The following XPO1 variants were observed in gnomAD, a reference collection of about 807,000 sequenced individuals.
XPO1 encodes the protein exportin 1.
XPO1 carries 5 observed loss-of-function variants against 133.3 expected under a neutral mutation model. The observed-to-expected ratio is 0.04, with a 90% CI of 0.02 to 0.08. The LOEUF (loss-of-function observed/expected upper bound fraction) is 0.08, where lower values mean the gene tolerates loss of function less well. Among genes scored for constraint, XPO1 ranks in the 10% least tolerant of loss-of-function variants. The probability of loss-of-function intolerance (pLI) is 1.00; values close to 1 mark genes in which losing one functional copy is unlikely to be tolerated. For synonymous variants in XPO1, 419 were observed against 408.2 expected (o/e 1.03, Z -0.32); for missense variants, 506 against 1,267.5 (o/e 0.40, Z 9.12).
chr2:61,499,605 T>C, intron 7 of XPO1, 108 bp downstream of exon 7: 1 of 1,104,984 alleles, frequency 9.0e-7, no homozygotes, highest in East Asian at 2.7e-5. Flanking sequence ...ACAAGCAATT[T>C]AACATATTAC....
In XPO1 at chr2:61,535,317, T is replaced by C. The variant is rs1699312340; in HGVS notation, c.-6-1414A>G. 2.6e-5 allele frequency among the ~76,000 whole-genome samples: 4 copies of C among 152,162 alleles called. No individual in the cohort carries two copies. In the South Asian group the frequency reaches 6.2e-4, roughly 24 times the overall value. Reference sequence around the variant, plus strand: ...ACCCAGTTTTTAAAAACTCACGATTTTGTATACAATTATAGAGGATTCAGG... The same window carrying C: ...ACCCAGTTTTTAAAAACTCACGATTCTGTATACAATTATAGAGGATTCAGG... On this transcript the variant is annotated intron_variant, in intron 1 of 24. Transcript: ENST00000401558.
In XPO1 at chr2:61,498,568, G is replaced by C. The variant is rs1272070988; in HGVS notation, c.759+105C>G. On this transcript the variant is annotated intron_variant, in intron 9 of 24. Transcript: ENST00000401558. The stretch of plus-strand genomic sequence containing the variant: ...TCTCCTGAGCAGCGTCCTCGTGTTA[G>C]AAACAAGGTTGAATAAGGTTTAGAA... 4.9e-6 allele frequency: 7 copies of C among 1,439,098 alleles called. No homozygotes were observed. The East Asian group carries it at 1.2e-4, about 24-fold the overall frequency. The allele number at this position is 1,439,098 out of a possible 1,614,324, so 89.1% of individuals were successfully genotyped here.
chr2:61,518,417 A>AAAACAAAAC (rs1454103179), intron 4 of XPO1, among the ~76,000 whole-genome samples: 2 of 124,458 alleles, frequency 1.6e-5, no homozygotes, highest in Non-Finnish European at 3.4e-5. Flanking sequence ...CAAAAAACAA[A>AAAACAAAAC]ACACACACAC....
intron 4 of XPO1, among the ~76,000 whole-genome samples, chr2:61,516,655 C>G (rs930758450): frequency 1.3e-5 from 2 of 151,958 alleles, no homozygotes; most frequent in South Asian, 2.1e-4. Context: ...CTCAGGTGAT[C>G]TGCCCGCCTC....
intron 8 of XPO1, 32 bp from the exon 9 acceptor site, chr2:61,498,824 T>G: frequency 1.2e-6 from 2 of 1,610,466 alleles, no homozygotes; most frequent in Non-Finnish European, 1.7e-6. Flanking sequence ...AATAATTGCT[T>G]TCCTATTATT....
rs1413682163 is a variant in XPO1 at position 61,503,031 on chromosome 2, T to C, written c.302-721A>G. ...CACACACTGGAGTGCAGTGGCACAA[T>C]CTTGGCTCCCTGCAACCTCTGCCTC... On this transcript the variant is annotated intron_variant, in intron 4 of 24. Coordinates refer to ENST00000401558, the MANE Select transcript of XPO1 (RefSeq NM_003400.4). Among the ~76,000 whole-genome samples the C allele has an allele frequency of 2.0e-5, 3 of 149,942 alleles. No homozygotes were observed. In the East Asian group the frequency reaches 5.9e-4, roughly 30 times the overall value.
At chr2:61,534,443 G>A (rs1303464949) in intron 1 of XPO1, 1 of 152,290 alleles carries the variant, frequency 6.6e-6, no homozygotes, top group Non-Finnish European at 1.5e-5. Context: ...AGCACTTTGG[G>A]AGGCCGAGGT....
chr2:61,489,555 T>G (rs533201084), intron 17 of XPO1, among the ~76,000 whole-genome samples: 1 of 151,716 alleles, frequency 6.6e-6, no homozygotes, highest in Admixed American at 6.6e-5. Flanking sequence ...AGTAATATAG[T>G]TCTATTTTTT....
chr2:61,526,527 ATAT>A lies in XPO1; in HGVS notation c.127-9_127-7del, dbSNP rs1426511257. ...ACTTCTTGAGCCATTCTTTGCTAAA[ATAT>A]TATTAAAAAAAACAAAACTTAAGCT... On this transcript the variant is annotated splice_polypyrimidine_tract_variant and splice_region_variant and intron_variant, in intron 2 of 24. Coordinates refer to ENST00000401558, the MANE Select transcript of XPO1 (RefSeq NM_003400.4). 15 of 1,549,790 alleles carry A rather than the reference ATAT, an allele frequency of 9.7e-6. No homozygotes were observed. The highest frequency in any genetic ancestry group is 2.8e-5 in the African/African-American group (2 of 71,670).
Position 61,488,281 on chromosome 2 carries a change from A to G in XPO1, c.2207-10T>C. 1 of 1,610,516 alleles carries G rather than the reference A, an allele frequency of 6.2e-7. No individual in the cohort carries two copies. Among genetic ancestry groups the G allele is most frequent in the Non-Finnish European group, 8.5e-7 (1 of 1,176,948 alleles). On this transcript the variant is annotated splice_polypyrimidine_tract_variant and intron_variant, in intron 18 of 24. Transcript: ENST00000401558. ...TTTGTAACCATTTCACCTACAAAAC[A>G]GAATCAAATGGAATCTAATTTTACC...
chr2:61,487,876 C>G (rs894586690), intron 19 of XPO1, among the ~76,000 whole-genome samples: 4 of 152,158 alleles, frequency 2.6e-5, no homozygotes, highest in African/African-American at 9.7e-5. Flanking sequence ...CACCGGTACT[C>G]CATTAATTAA....
At chr2:61,526,396 ATT>A in intron 3 of XPO1, 22 bp downstream of exon 3, 2 of 1,598,150 alleles carry the variant, frequency 1.3e-6, no homozygotes, top group South Asian at 2.3e-5. Flanking sequence ...GAAATAACAG[ATT>A]TTAAAACCAC....
intron 3 of XPO1, 71 bp from the exon 4 acceptor site, chr2:61,522,754 G>T: frequency 9.2e-7 from 1 of 1,089,036 alleles, no homozygotes; most frequent in East Asian, 2.4e-5. Context: ...ATTCACAAAT[G>T]GACAGACATT....
At chr2:61,513,277 T>C (rs564194153) in intron 4 of XPO1, among the ~76,000 whole-genome samples, 8 of 152,034 alleles carry the variant, frequency 5.3e-5, no homozygotes, top group Admixed American at 3.3e-4. Flanking sequence ...GGGATTACAA[T>C]TGTGAGCTAC....
At chr2:61,485,648 G>C in intron 20 of XPO1, 120 bp downstream of exon 20, 1 of 951,998 alleles carries the variant, frequency 1.1e-6, no homozygotes, top group Non-Finnish European at 1.5e-6. Context: ...TAATATACAA[G>C]TTTAAATATT....
At position 61,488,155 on chromosome 2, in the gene XPO1, T is replaced by G. The variant is rs756224062; in HGVS notation, c.2313+10A>C. 1 of 1,610,936 alleles carries G rather than the reference T, an allele frequency of 6.2e-7. No homozygotes were observed. Among genetic ancestry groups the G allele is most frequent in the African/African-American group, 1.3e-5 (1 of 74,844 alleles). On this transcript the variant is annotated intron_variant, in intron 19 of 24. Coordinates refer to ENST00000401558, the MANE Select transcript of XPO1 (RefSeq NM_003400.4). ...CACTAGAAATCAAAAGCAAAGCATCTCTCACTTACCATCTGTGGATCATTG... is the reference window on the plus strand; with the variant it reads ...CACTAGAAATCAAAAGCAAAGCATCGCTCACTTACCATCTGTGGATCATTG...
At chr2:61,491,305 A>T (rs1422387151) in intron 16 of XPO1, among the ~76,000 whole-genome samples, 2 of 151,950 alleles carry the variant, frequency 1.3e-5, no homozygotes, top group East Asian at 3.9e-4. Flanking sequence ...TACTAAAAAT[A>T]AAAAAATTAG....
At chr2:61,533,521 C>T (rs1049354788) in intron 2 of XPO1, among the ~76,000 whole-genome samples, 1 of 152,172 alleles carries the variant, frequency 6.6e-6, no homozygotes. Flanking sequence ...CCTTTAATAC[C>T]TACAAAGTAT....
chr2:61,505,392 CTTTTTT>C (rs146283651), intron 4 of XPO1, among the ~76,000 whole-genome samples: 2 of 135,844 alleles, frequency 1.5e-5, no homozygotes, highest in Admixed American at 7.4e-5. Context: ...AACATTCTCA[CTTTTTT>C]TTTTTTTTTT....
Sources: gnomAD v4.1 joint callset for allele counts (sites outside exome capture counted in the v4.1 genomes callset) on GRCh38, gnomAD v4.1.1 for gene constraint, MANE v1.5 for transcripts, NCBI Gene and HGNC (gene_info 2026-07-23, HGNC 2026-07-21) for gene names.